ESYT2: variants seen among roughly 807,000 people sequenced by gnomAD.
ESYT2 encodes extended synaptotagmin 2, also known as extended synaptotagmin-2.
ESYT2 carries 54 observed loss-of-function variants against 107.2 expected under a neutral mutation model. The observed-to-expected ratio is 0.50, with a 90% CI of 0.40 to 0.63. The LOEUF is 0.63. Among genes scored for constraint, ESYT2 ranks in the 30% least tolerant of loss-of-function variants. The pLI, the probability that ESYT2 is intolerant of heterozygous loss-of-function variation, is 0.00. For synonymous variants in ESYT2, 491 were observed against 434.1 expected, an observed-to-expected ratio of 1.13 and a Z score of -1.63; for missense variants, 1,020 against 1,094.5, an observed-to-expected ratio of 0.93 and a Z score of 0.96.
chr7:158,817,110 T>A (rs1376581038), intron 1 of ESYT2, among the ~76,000 whole-genome samples: 1 of 152,206 alleles, frequency 6.6e-6, no homozygotes, highest in African/African-American at 2.4e-5. Flanking sequence ...CCCAACTATC[T>A]GAACAGCTCC....
intron 1 of ESYT2, among the ~76,000 whole-genome samples, chr7:158,807,010 A>G (rs1839849733): frequency 1.3e-5 from 2 of 152,002 alleles, no homozygotes; most frequent in South Asian, 4.1e-4. Context: ...CATAGTATAT[A>G]TAGTTTATTC....
At chr7:158,773,526 C>T (rs842448) in intron 6 of ESYT2, 130 bp from the exon 7 acceptor site, 660,895 of 779,742 alleles carry the variant, frequency 0.85, 283,259 homozygotes, top group Non-Finnish European at 0.89. Context: ...CTTCATCCTT[C>T]GTAATATACC....
intron 6 of ESYT2, among the ~76,000 whole-genome samples, chr7:158,777,974 C>A (rs1206922658): frequency 6.6e-6 from 1 of 152,200 alleles, no homozygotes; most frequent in Non-Finnish European, 1.5e-5. Context: ...CTGCCATAAA[C>A]TTTCAACTAG....
At chr7:158,810,541 G>A (rs1449236030) in intron 1 of ESYT2, among the ~76,000 whole-genome samples, 2 of 152,104 alleles carry the variant, frequency 1.3e-5, no homozygotes, top group Non-Finnish European at 2.9e-5. Flanking sequence ...AATTAGATGG[G>A]CATGGTGGCA....
chr7:158,738,334 CACACACACAG>C (rs1285302910), intron 19 of ESYT2, among the ~76,000 whole-genome samples: 5 of 57,392 alleles, frequency 8.7e-5, no homozygotes, highest in Non-Finnish European at 1.3e-4. Context: ...AAAATACACA[CACACACACAG>C]ACACACACAC....
chr7:158,797,813 C>T, intron 3 of ESYT2, 129 bp downstream of exon 3: 3 of 1,232,384 alleles, frequency 2.4e-6, no homozygotes, highest in Non-Finnish European at 3.3e-6. Flanking sequence ...AAGATAGTGC[C>T]ACTGCACTCC....
In ESYT2 at chr7:158,829,161, G is replaced by A; in HGVS notation, c.258C>T (p.Arg86=). The A allele has an allele frequency of 1.9e-6, 3 of 1,553,622 alleles. No individual in the cohort carries two copies. The highest frequency in any genetic ancestry group is 1.9e-5 in the Admixed American group (1 of 53,638). The change falls in exon 1 of 23, where the codon CGC becomes CGT. Residue 86 remains arginine, a synonymous_variant. Transcript: ENST00000275418. ...CCTCGTCTTCCAGCAGCGCCAGCGC[G>A]CGGCACAGGCGCAGGGCCTTGAGGC... ...SRGLKALRLC[R]ALALLEDEER... is the part of the protein sequence containing the mutation.
At chr7:158,763,239 G>T in intron 9 of ESYT2, 74 bp from the exon 10 acceptor site, 2 of 958,786 alleles carry the variant, frequency 2.1e-6, no homozygotes, top group Non-Finnish European at 3.1e-6. Context: ...TATGATGATT[G>T]TAGTAAATAT....
At chr7:158,787,044 TG>T (rs1353893615) in intron 6 of ESYT2, among the ~76,000 whole-genome samples, 6 of 152,178 alleles carry the variant, frequency 3.9e-5, no homozygotes, top group African/African-American at 1.2e-4. Context: ...GACAACCATA[TG>T]GGCAGTGTGC....
chr7:158,732,321 C>T lies in ESYT2; in HGVS notation c.*1886G>A, dbSNP rs1222167736. The T allele has an allele frequency of 6.6e-6, 1 of 152,136 alleles. No homozygotes were observed. Among genetic ancestry groups the T allele is most frequent in the African/African-American group, 2.4e-5 (1 of 41,424 alleles). 9.4% of individuals were successfully genotyped at this position (152,136 alleles called of 1,614,324 possible). A position where few individuals can be genotyped will look rare whatever the true frequency, so the allele number is the denominator to read the frequency against. On this transcript the variant is annotated 3_prime_UTR_variant, in exon 23 of 23. Transcript: ENST00000275418. ...AAGCAACTAGATTTAATGTTGTTACCTGTCTTCCATAAATACCATAGTTAA... is the reference window on the plus strand; with the variant it reads ...AAGCAACTAGATTTAATGTTGTTACTTGTCTTCCATAAATACCATAGTTAA...
At chr7:158,745,137 GAAT>G (rs963030317) in intron 16 of ESYT2, among the ~76,000 whole-genome samples, 4 of 145,410 alleles carry the variant, frequency 2.8e-5, no homozygotes, top group African/African-American at 1.0e-4. Context: ...AACCAACACA[GAAT>G]AATGAGACAG....
intron 1 of ESYT2, among the ~76,000 whole-genome samples, chr7:158,807,656 A>G (rs1839870902): frequency 6.6e-6 from 1 of 152,144 alleles, no homozygotes; most frequent in Non-Finnish European, 1.5e-5. Flanking sequence ...GCTGTTACAC[A>G]TTCCCCATAA....
intron 4 of ESYT2, among the ~76,000 whole-genome samples, chr7:158,788,974 AT>A (rs1839195848): frequency 6.6e-6 from 1 of 152,224 alleles, no homozygotes; most frequent in South Asian, 2.1e-4. Context: ...AAATATTAAT[AT>A]GAAACAAACA....
intron 1 of ESYT2, among the ~76,000 whole-genome samples, chr7:158,809,474 C>CA (rs67422901): frequency 0.58 from 28,771 of 49,762 alleles, 8,160 homozygotes; most frequent in Middle Eastern, 0.64. Flanking sequence ...GAATCCATCT[C>CA]AAAAAAAAAA....
At chr7:158,757,389 C>A (rs1321002955) in intron 13 of ESYT2, among the ~76,000 whole-genome samples, 1 of 152,308 alleles carries the variant, frequency 6.6e-6, no homozygotes, top group East Asian at 1.9e-4. Context: ...CCGACGCTCG[C>A]CTCTCTTTTA....
At chr7:158,760,598 G>C (rs1485677987) in intron 11 of ESYT2, among the ~76,000 whole-genome samples, 6 of 152,174 alleles carry the variant, frequency 3.9e-5, no homozygotes, top group African/African-American at 1.2e-4. Flanking sequence ...TGGGACCACA[G>C]GTGTAGGCAA....
At chr7:158,797,283 G>C (rs1839492898) in intron 3 of ESYT2, among the ~76,000 whole-genome samples, 2 of 152,082 alleles carry the variant, frequency 1.3e-5, no homozygotes, top group South Asian at 4.1e-4. Context: ...ATGTAGTTCT[G>C]ACCATATACG....
At chr7:158,811,126 C>T (rs1161920863) in intron 1 of ESYT2, among the ~76,000 whole-genome samples, 4 of 151,872 alleles carry the variant, frequency 2.6e-5, no homozygotes, top group Non-Finnish European at 5.9e-5. Flanking sequence ...CACCACTGCA[C>T]TCCAGCGTGG....
chr7:158,801,490 T>A (rs761887946), intron 1 of ESYT2, among the ~76,000 whole-genome samples: 1 of 152,320 alleles, frequency 6.6e-6, no homozygotes, highest in East Asian at 1.9e-4. Context: ...CTAATACATA[T>A]TCATAAACAT....
Sources: allele counts gnomAD v4.1 joint callset (sites outside exome capture counted in the v4.1 genomes callset), GRCh38; gene constraint gnomAD v4.1.1; transcripts MANE v1.5; gene names NCBI Gene and HGNC (gene_info 2026-07-23, HGNC 2026-07-21).